PAPPA2: variants seen among roughly 807,000 people sequenced by gnomAD.
PAPPA2 encodes pappalysin-2.
PAPPA2 carries 86 observed loss-of-function variants against 176.4 expected under a neutral mutation model. That is an observed-to-expected ratio of 0.49 (90% CI 0.41 to 0.58). PAPPA2 has a LOEUF of 0.58. Among genes scored for constraint, PAPPA2 ranks in the 20% least tolerant of loss-of-function variants. The probability of loss-of-function intolerance (pLI) is 0.00; values close to 1 mark genes in which losing one functional copy is unlikely to be tolerated. For missense variants in PAPPA2, 2,073 were observed against 2,256.9 expected (o/e 0.92, Z 1.65); for synonymous variants, 809 against 852.2 (o/e 0.95, Z 0.88).
chr1:176,739,642 C>T lies in PAPPA2; in HGVS notation c.3815C>T (p.Pro1272Leu). The change falls in exon 13 of 23, where the codon CCA (proline) becomes CTA (leucine). Residue 1272 changes from proline to leucine, a missense_variant. By Grantham distance (98) the Pro-to-Leu change is moderately conservative. Around this residue, in one of 4 missense-constraint regions of PAPPA2, gnomAD observed 846 missense variants for 857.9 expected, o/e 0.99. Coordinates refer to ENST00000367662, the MANE Select transcript of PAPPA2 (RefSeq NM_020318.3). ...TATGCTTAGGTGTGTTTCAATAGAC[C>T]AGGAGAGGCCAGAGCAATTTTTATT... The part of the protein sequence containing the change: ...EVWLKVCFNR[P>L]GEARAIFIFL... 6.2e-7 allele frequency: 1 copy of T among 1,613,178 alleles called. No homozygotes were observed. The highest frequency in any genetic ancestry group is 8.5e-7 in the Non-Finnish European group (1 of 1,179,448).
intron 3 of PAPPA2, among the ~76,000 whole-genome samples, chr1:176,614,907 T>G (rs1376932010): frequency 6.6e-6 from 1 of 152,150 alleles, no homozygotes; most frequent in Non-Finnish European, 1.5e-5. Flanking sequence ...AAATATTAGA[T>G]GTCTTATCAG....
At position 176,672,370 on chromosome 1, in the gene PAPPA2, T is replaced by G. The variant is rs537221808; in HGVS notation, c.2137+1255T>G. Among the ~76,000 whole-genome samples, 266 of 152,174 alleles carry G rather than the reference T, an allele frequency of 1.7e-3. 3 individuals are homozygous for G. The highest frequency in any genetic ancestry group is 4.0e-3 in the Admixed American group (61 of 15,280). On this transcript the variant is annotated intron_variant, in intron 4 of 22. Coordinates refer to ENST00000367662, the MANE Select transcript of PAPPA2 (RefSeq NM_020318.3). Reference sequence around the variant, plus strand: ...ATGATTTTTAAAAGGTACTGCAAAGTTGGTCTTCCTAGTAATCAAATAAGA... The same window carrying G: ...ATGATTTTTAAAAGGTACTGCAAAGGTGGTCTTCCTAGTAATCAAATAAGA...
intron 14 of PAPPA2, among the ~76,000 whole-genome samples, chr1:176,760,873 G>C (rs1663667004): frequency 6.6e-6 from 1 of 152,114 alleles, no homozygotes; most frequent in Admixed American, 6.5e-5. Flanking sequence ...CCAGGCTGGA[G>C]TGCAGTGGAG....
At chr1:176,681,059 C>G (rs567077342) in intron 4 of PAPPA2, among the ~76,000 whole-genome samples, 1 of 150,440 alleles carries the variant, frequency 6.6e-6, no homozygotes, top group African/African-American at 2.5e-5. Context: ...CTAAAATCAA[C>G]TAAGAAGGGG....
At chr1:176,782,697 C>A (rs753394945) in intron 17 of PAPPA2, among the ~76,000 whole-genome samples, 5 of 152,266 alleles carry the variant, frequency 3.3e-5, no homozygotes, top group Non-Finnish European at 5.9e-5. Flanking sequence ...AACCAGAACA[C>A]ACGGGACCTC....
At chr1:176,669,726 T>C (rs1038605732) in intron 3 of PAPPA2, among the ~76,000 whole-genome samples, 1 of 152,178 alleles carries the variant, frequency 6.6e-6, no homozygotes, top group Non-Finnish European at 1.5e-5. Flanking sequence ...TTTGGTTCTG[T>C]TCCAAAAAAT....
intron 1 of PAPPA2, among the ~76,000 whole-genome samples, chr1:176,534,434 G>T (rs1649966338): frequency 6.6e-6 from 1 of 152,144 alleles, no homozygotes. Context: ...GTTAAAATCT[G>T]CCCAGATTGG....
chr1:176,695,764 G>C lies in PAPPA2; in HGVS notation c.2651G>C (p.Cys884Ser). The C allele has an allele frequency of 6.2e-7, 1 of 1,614,032 alleles. No individual in the cohort carries two copies. Among genetic ancestry groups the C allele is most frequent in the South Asian group, 1.1e-5 (1 of 91,078 alleles). Residue 884 changes from cysteine to serine, a missense_variant, in exon 7 of 23, where the codon TGC (cysteine) becomes TCC (serine). Cys to Ser is a moderately radical substitution (Grantham distance 112). Transcript: ENST00000367662. ...DRASGSLCGA[C>S]TEDGTFRQYV... is the part of the protein sequence containing the mutation. The stretch of plus-strand genomic sequence containing the variant: ...GCCTCAGGCAGCTTGTGTGGCGCTT[G>C]CACTGAAGATGGGACCTTTCGTCAG...
intron 2 of PAPPA2, among the ~76,000 whole-genome samples, chr1:176,591,541 A>G (rs1396238344): frequency 2.0e-5 from 3 of 152,214 alleles, no homozygotes; most frequent in Non-Finnish European, 4.4e-5. Flanking sequence ...TATTTTCTGC[A>G]CTATATTGAA....
chr1:176,819,297 T>G (rs551646803), intron 21 of PAPPA2, among the ~76,000 whole-genome samples: 16 of 152,270 alleles, frequency 1.1e-4, no homozygotes, highest in Middle Eastern at 6.8e-3. Flanking sequence ...CCTTTAAAAG[T>G]CTTTTCTATT....
chr1:176,556,984 C>T lies in PAPPA2; in HGVS notation c.662C>T (p.Pro221Leu). The change falls in exon 2 of 23, where the codon CCT becomes CTT. Residue 221 changes from proline (P) to leucine (L), a missense_variant. Physicochemically the swap from Pro to Leu is moderately conservative, Grantham distance 98. Around this residue, in one of 4 missense-constraint regions of PAPPA2, gnomAD observed 1,196 missense variants for 1,330.4 expected, o/e 0.90. Coordinates refer to ENST00000367662, the MANE Select transcript of PAPPA2 (RefSeq NM_020318.3). Reference protein sequence around the residue: ...GDSGISSHFQPWPKHSLKHRV... With the variant: ...GDSGISSHFQLWPKHSLKHRV... ...TCCGGTATCTCTTCACATTTCCAAC[C>T]TTGGCCCAAGCATTCCCTTAAACAC... 1 of 1,614,136 alleles carries T rather than the reference C, an allele frequency of 6.2e-7. No individual in the cohort carries two copies.
chr1:176,643,861 C>T (rs755074737), intron 3 of PAPPA2, among the ~76,000 whole-genome samples: 2 of 151,818 alleles, frequency 1.3e-5, no homozygotes, highest in Non-Finnish European at 1.5e-5. Context: ...AGAACACAGG[C>T]TCTGTCCTTC....
intron 1 of PAPPA2, among the ~76,000 whole-genome samples, chr1:176,494,913 G>C (rs2102498509): frequency 6.6e-6 from 1 of 152,294 alleles, no homozygotes; most frequent in East Asian, 1.9e-4. Context: ...AGCAAACTCA[G>C]TGTCATTTCT....
intron 14 of PAPPA2, among the ~76,000 whole-genome samples, chr1:176,751,360 G>A (rs1267875087): frequency 6.8e-6 from 1 of 146,998 alleles, no homozygotes; most frequent in African/African-American, 2.5e-5. Flanking sequence ...TTAAACTAAA[G>A]AGCTTCTGCA....
At position 176,602,932 on chromosome 1, in the gene PAPPA2, G is replaced by A. The variant is rs530502854; in HGVS notation, c.1991+7337G>A. ...TTTCTCCACAGTTCCAATAGGCACC[G>A]TATTATGGAGCAAATGAAATCCCCA... On this transcript the variant is annotated intron_variant, in intron 3 of 22. Transcript: ENST00000367662. Among the ~76,000 whole-genome samples, 4 of 152,280 alleles carry A rather than the reference G, an allele frequency of 2.6e-5. 1 individual carries two copies. The highest frequency in any genetic ancestry group is 4.8e-5 in the African/African-American group (2 of 41,552).
chr1:176,668,990 C>G (rs921777887), intron 3 of PAPPA2, among the ~76,000 whole-genome samples: 2 of 151,978 alleles, frequency 1.3e-5, no homozygotes, highest in Non-Finnish European at 2.9e-5. Flanking sequence ...GGAGGGTGCT[C>G]AAGATAAATT....
intron 3 of PAPPA2, among the ~76,000 whole-genome samples, chr1:176,623,647 CTTTCTTTCTTTCTTTCTTTCTT>C (rs1191461164): frequency 2.7e-4 from 35 of 129,084 alleles, no homozygotes; most frequent in South Asian, 5.5e-4. Context: ...TTCTTTCTTT[CTTTCTTTCTTTCTTTCTTTCTT>C]TTTCTTTCTT....
At chr1:176,560,661 A>G (rs886574833) in intron 2 of PAPPA2, among the ~76,000 whole-genome samples, 2 of 152,194 alleles carry the variant, frequency 1.3e-5, no homozygotes, top group African/African-American at 4.8e-5. Context: ...GACGTAAGCC[A>G]AATTCTGTCC....
intron 17 of PAPPA2, among the ~76,000 whole-genome samples, chr1:176,787,716 G>A (rs982982213): frequency 2.6e-5 from 4 of 151,558 alleles, no homozygotes; most frequent in African/African-American, 7.3e-5. Flanking sequence ...TGAGGTCTTC[G>A]AGAAATTACT....
Sources: allele counts gnomAD v4.1 joint callset (sites outside exome capture counted in the v4.1 genomes callset), GRCh38; gene constraint gnomAD v4.1.1; regional missense constraint gnomAD v4.1.1; transcripts MANE v1.5; gene names NCBI Gene and HGNC (gene_info 2026-07-23, HGNC 2026-07-21).